Variants in KHDRBS3 observed in about 807,000 individuals in gnomAD.
The protein encoded by KHDRBS3 is KH domain-containing, RNA-binding, signal transduction-associated protein 3.
A neutral mutation model predicts 45.6 loss-of-function variants in KHDRBS3; 23 were observed. The observed-to-expected ratio is 0.50, with a 90% CI of 0.36 to 0.72. The LOEUF (loss-of-function observed/expected upper bound fraction) is 0.72. Ranked by LOEUF, KHDRBS3 falls within the 30% of genes least tolerant of loss-of-function variation. The pLI is 0.00. For synonymous variants in KHDRBS3, 162 were observed against 156.5 expected, an observed-to-expected ratio of 1.04 and a Z score of -0.26; for missense variants, 352 against 424.8, an observed-to-expected ratio of 0.83 and a Z score of 1.51.
chr8:135,489,464 G>C (rs555131702), intron 1 of KHDRBS3, among the ~76,000 whole-genome samples: 1 of 152,268 alleles, frequency 6.6e-6, no homozygotes, highest in African/African-American at 2.4e-5. Flanking sequence ...TGGATCACGA[G>C]GTCAAGAGAT....
At position 135,477,631 on chromosome 8, in the gene KHDRBS3, A is replaced by G. The variant is rs557721448; in HGVS notation, c.88+19677A>G. ...GTAGGTTGAATTATGGCCCCTAAAC[A>G]TGTCCTTATCCATTCCCCACAGTTT... On this transcript the variant is annotated intron_variant, in intron 1 of 8. Coordinates refer to ENST00000355849, the MANE Select transcript of KHDRBS3 (RefSeq NM_006558.3). Among the ~76,000 whole-genome samples the G allele has an allele frequency of 2.6e-5, 4 of 152,298 alleles. No homozygotes were observed. The South Asian group carries it at 8.3e-4, about 32-fold the overall frequency.
chr8:135,554,898 C>A (rs16905407), intron 4 of KHDRBS3, among the ~76,000 whole-genome samples: 13 of 152,254 alleles, frequency 8.5e-5, no homozygotes, highest in Non-Finnish European at 1.5e-4. Flanking sequence ...TATTTACACT[C>A]GAATATGCTC....
intron 1 of KHDRBS3, among the ~76,000 whole-genome samples, chr8:135,495,573 C>T (rs895455108): frequency 1.2e-4 from 19 of 152,200 alleles, no homozygotes; most frequent in Non-Finnish European, 2.2e-4. Flanking sequence ...CAGTAAACAG[C>T]ACTTTTACTC....
chr8:135,463,565 A>G (rs866564337), intron 1 of KHDRBS3, among the ~76,000 whole-genome samples: 7 of 152,340 alleles, frequency 4.6e-5, no homozygotes, highest in Middle Eastern at 3.4e-3. Flanking sequence ...TAAGGAATTT[A>G]TGAAATCACT....
chr8:135,585,239 A>G (rs1586759816), intron 6 of KHDRBS3, among the ~76,000 whole-genome samples: 2 of 151,584 alleles, frequency 1.3e-5, no homozygotes, highest in Non-Finnish European at 2.9e-5. Flanking sequence ...AAAAAAAAAA[A>G]AAAAAAAAGA....
At chr8:135,654,411 C>A (rs1425808609) in intron 4 of KHDRBS3, among the ~76,000 whole-genome samples, 4 of 152,192 alleles carry the variant, frequency 2.6e-5, no homozygotes, top group Non-Finnish European at 4.4e-5. Context: ...GTAAAAGAAA[C>A]CTATCTAAAT....
chr8:135,577,339 T>C (rs1366818550), intron 5 of KHDRBS3, among the ~76,000 whole-genome samples: 1 of 152,188 alleles, frequency 6.6e-6, no homozygotes, highest in African/African-American at 2.4e-5. Flanking sequence ...ACAAGTGCTT[T>C]GTGTCATGTA....
intron 6 of KHDRBS3, among the ~76,000 whole-genome samples, chr8:135,589,576 C>G (rs1351849695): frequency 1.3e-5 from 2 of 152,202 alleles, no homozygotes; most frequent in Non-Finnish European, 2.9e-5. Context: ...ACTCTGTTTA[C>G]TATTTATAGC....
intron 7 of KHDRBS3, among the ~76,000 whole-genome samples, chr8:135,639,398 AT>A (rs1830963178): frequency 6.6e-6 from 1 of 152,184 alleles, no homozygotes. Context: ...AGGCCTGCGT[AT>A]TTGAAGGATC....
At chr8:135,548,467 C>T (rs1337500352) in intron 3 of KHDRBS3, among the ~76,000 whole-genome samples, 6 of 152,012 alleles carry the variant, frequency 3.9e-5, no homozygotes, top group African/African-American at 9.7e-5. Context: ...GTGAAGACAC[C>T]CTAGCAGCGG....
intron 1 of KHDRBS3, among the ~76,000 whole-genome samples, chr8:135,476,795 A>AT (rs1822312584): frequency 6.6e-6 from 1 of 152,208 alleles, no homozygotes; most frequent in East Asian, 1.9e-4. Flanking sequence ...GTGGGTAAAA[A>AT]ATATATAAAA....
intron 7 of KHDRBS3, among the ~76,000 whole-genome samples, chr8:135,633,963 G>T (rs1159586690): frequency 6.6e-6 from 1 of 152,174 alleles, no homozygotes; most frequent in Non-Finnish European, 1.5e-5. Flanking sequence ...GTAATGTCAT[G>T]TGTCCACCAT....
chr8:135,608,941 A>G (rs928817312), intron 7 of KHDRBS3, among the ~76,000 whole-genome samples: 1 of 152,170 alleles, frequency 6.6e-6, no homozygotes, highest in African/African-American at 2.4e-5. Context: ...AAAGTGGTAT[A>G]CCCATACAGG....
intron 6 of KHDRBS3, among the ~76,000 whole-genome samples, chr8:135,593,627 G>T (rs1411749848): frequency 1.3e-5 from 2 of 152,084 alleles, no homozygotes; most frequent in Admixed American, 1.3e-4. Flanking sequence ...ACATGTGTGT[G>T]CCACTTTGCC....
At position 135,644,955 on chromosome 8, in the gene KHDRBS3, T is replaced by G. The variant is rs4243846; in HGVS notation, c.891-104T>G. On this transcript the variant is annotated intron_variant, in intron 7 of 8. Transcript: ENST00000355849. ...TGGGAATTTCTTTGAATTTTCAGTC[T>G]TGCCCTTCATTAGTTGTCTTTAAGT... The G allele has an allele frequency of 8.6e-6, 10 of 1,165,378 alleles. No individual in the cohort carries two copies. The African/African-American group carries it at 1.5e-4, about 18-fold the overall frequency. 72.2% of individuals were successfully genotyped at this position (1,165,378 alleles called of 1,614,324 possible). A position where few individuals can be genotyped will look rare whatever the true frequency, so the allele number is the denominator to read the frequency against.
At chr8:135,566,181 G>A (rs573893450) in intron 5 of KHDRBS3, among the ~76,000 whole-genome samples, 2 of 152,254 alleles carry the variant, frequency 1.3e-5, no homozygotes, top group African/African-American at 4.8e-5. Context: ...GTTGTTAGTG[G>A]AGTCAGGGTT....
intron 2 of KHDRBS3, among the ~76,000 whole-genome samples, chr8:135,530,381 G>A (rs1825411844): frequency 6.6e-6 from 1 of 152,044 alleles, no homozygotes; most frequent in South Asian, 2.1e-4. Context: ...GCAGTCTTTT[G>A]GAGGAAAATG....
intron 8 of KHDRBS3, among the ~76,000 whole-genome samples, 155 bp from the exon 9 acceptor site, chr8:135,646,838 G>A (rs963161866): frequency 6.6e-6 from 1 of 152,154 alleles, no homozygotes; most frequent in African/African-American, 2.4e-5. Flanking sequence ...ATTTATTTAA[G>A]TAAATTCCTT....
At chr8:135,516,398 C>T (rs1824603827) in intron 1 of KHDRBS3, among the ~76,000 whole-genome samples, 1 of 152,084 alleles carries the variant, frequency 6.6e-6, no homozygotes, top group African/African-American at 2.4e-5. Flanking sequence ...CTTTGTGCTG[C>T]AAGGTTACCA....
Sources: gnomAD v4.1 joint callset for allele counts (sites outside exome capture counted in the v4.1 genomes callset) on GRCh38, gnomAD v4.1.1 for gene constraint, MANE v1.5 for transcripts, NCBI Gene and HGNC (gene_info 2026-07-23, HGNC 2026-07-21) for gene names.